EIF2S3: variants seen among roughly 807,000 people sequenced by gnomAD.
EIF2S3 encodes the protein eukaryotic translation initiation factor 2 subunit gamma.
Under a neutral mutation model 31.7 loss-of-function variants are expected in EIF2S3, and 2 were observed. That is an observed-to-expected ratio of 0.06 (90% CI 0.03 to 0.20). The LOEUF (loss-of-function observed/expected upper bound fraction) is 0.20. Among genes scored for constraint, EIF2S3 ranks in the 10% least tolerant of loss-of-function variants. EIF2S3 has a pLI of 1.00. For synonymous variants in EIF2S3, 120 were observed against 126.7 expected (o/e 0.95, Z 0.36); for missense variants, 96 against 359.3 (o/e 0.27, Z 5.92).
intron 8 of EIF2S3, 62 bp from the exon 9 acceptor site, chrX:24,067,902 T>G (rs1198491324): frequency 1.7e-5 from 19 of 1,108,452 alleles, no homozygotes; most frequent in Non-Finnish European, 2.3e-5. Context: ...TTGGAACTTT[T>G]GATAGGTAAA....
In EIF2S3 at chrX:24,057,737, G is replaced by A. The variant is rs749439547; in HGVS notation, c.366G>A (p.Gly122=). 9.9e-6 allele frequency: 12 copies of A among 1,207,009 alleles called. No homozygotes were observed. In the African/African-American group the frequency reaches 1.9e-4, roughly 19 times the overall value. ...EFPTDIPGTK[G]NFKLVRHVSF... ...CTACGGACATTCCAGGGACCAAAGG[G>A]AACTTCAAATTAGTCAGGTGACCTC... The change falls in exon 4 of 12, where the codon GGG becomes GGA. Residue 122 remains glycine, a synonymous_variant. Coordinates refer to ENST00000253039, the MANE Select transcript of EIF2S3 (RefSeq NM_001415.4).
At chrX:24,075,162 A>G (rs1602049569) in intron 11 of EIF2S3, among the ~76,000 whole-genome samples, 1 of 107,901 alleles carries the variant, frequency 9.3e-6, no homozygotes, top group African/African-American at 3.4e-5. Context: ...ACCACGCCTG[A>G]CCTCTTTCTT....
chrX:24,068,925 C>G (rs993253864), intron 9 of EIF2S3, among the ~76,000 whole-genome samples: 3 of 110,863 alleles, frequency 2.7e-5, no homozygotes, highest in Non-Finnish European at 3.8e-5. Context: ...TACTCAATAC[C>G]CAGAAAAATG....
chrX:24,055,188 C>A, intron 1 of EIF2S3, 151 bp downstream of exon 1: 1 of 609,534 alleles, frequency 1.6e-6, no homozygotes, highest in South Asian at 2.9e-5. Context: ...AAGCCATGCT[C>A]GCGCCGCCTG....
At chrX:24,066,562 G>A (rs1221437129) in intron 8 of EIF2S3, among the ~76,000 whole-genome samples, 4 of 96,430 alleles carry the variant, frequency 4.1e-5, no homozygotes, top group Admixed American at 1.3e-4. Flanking sequence ...TTGCTGTTTC[G>A]CCCAAGCTGG....
intron 9 of EIF2S3, among the ~76,000 whole-genome samples, chrX:24,068,815 G>A (rs756072725): frequency 9.0e-6 from 1 of 111,387 alleles, no homozygotes; most frequent in Non-Finnish European, 1.9e-5. Flanking sequence ...ATATCAGGTC[G>A]TATTTCCAAT....
intron 6 of EIF2S3, among the ~76,000 whole-genome samples, chrX:24,062,798 TA>T (rs1241331032): frequency 9.0e-6 from 1 of 111,273 alleles, no homozygotes; most frequent in Non-Finnish European, 1.9e-5. Flanking sequence ...GGCAGCAAGT[TA>T]GAACTGAGGT....
chrX:24,072,479 T>TGCC (rs1930687368), intron 10 of EIF2S3, among the ~76,000 whole-genome samples: 2 of 110,317 alleles, frequency 1.8e-5, no homozygotes, highest in South Asian at 7.7e-4. Context: ...GACGGAGTTT[T>TGCC]GCCGCATTAC....
At chrX:24,065,605 GAA>G (rs1262311555) in intron 7 of EIF2S3, among the ~76,000 whole-genome samples, 1 of 109,670 alleles carries the variant, frequency 9.1e-6, no homozygotes, top group East Asian at 2.8e-4. Context: ...ATGATAGAGG[GAA>G]AAAAAAATCC....
Position 24,055,049 on chromosome X carries a change from C to G in EIF2S3, c.69+12C>G, listed in dbSNP as rs772346610. 7.5e-6 allele frequency: 9 copies of G among 1,207,872 alleles called. No individual in the cohort carries two copies. The highest frequency in any genetic ancestry group is 1.0e-5 in the Non-Finnish European group (9 of 894,243). ...ATCTCACCACCTTGGTGAGGTTTTG[C>G]TTGGGGAGGATGCAGAGTGAGCTCA... On this transcript the variant is annotated intron_variant, in intron 1 of 11. Coordinates refer to ENST00000253039, the MANE Select transcript of EIF2S3 (RefSeq NM_001415.4).
chrX:24,058,534 T>TG (rs2147125440), intron 4 of EIF2S3, among the ~76,000 whole-genome samples: 1 of 75,908 alleles, frequency 1.3e-5, no homozygotes, highest in Admixed American at 1.9e-4. Flanking sequence ...TTTTTTTTCT[T>TG]TCTTTTTTTT....
At chrX:24,069,594 T>C (rs1930631837) in intron 9 of EIF2S3, among the ~76,000 whole-genome samples, 2 of 108,043 alleles carry the variant, frequency 1.9e-5, no homozygotes, top group African/African-American at 6.7e-5. Context: ...TGTAGTTCCA[T>C]CTATCATTTT....
rs879230822 is a variant in EIF2S3, at chrX:24,076,926, C to CTTTTTTTTTTTTT, written c.*150_*162dup. 33 of 179,970 alleles carry CTTTTTTTTTTTTT rather than the reference C, an allele frequency of 1.8e-4. 1 individual carries two copies. Among genetic ancestry groups the CTTTTTTTTTTTTT allele is most frequent in the African/African-American group, 1.8e-3 (33 of 18,603 alleles). 14.8% of individuals were successfully genotyped at this position (179,970 alleles called of 1,213,427 possible). A position where few individuals can be genotyped will look rare whatever the true frequency, so the allele number is the denominator to read the frequency against. The stretch of plus-strand genomic sequence containing the variant: ...TAGTAGGTAACGGTAAGGTTATTCT[C>CTTTTTTTTTTTTT]TTTTTTTTTTTTTTTTTTTTTGGTT... On this transcript the variant is annotated 3_prime_UTR_variant, in exon 12 of 12. Coordinates refer to ENST00000253039, the MANE Select transcript of EIF2S3 (RefSeq NM_001415.4).
Position 24,073,073 on chromosome X carries a change from C to G in EIF2S3, c.1183-18C>G. On this transcript the variant is annotated intron_variant, in intron 10 of 11. Transcript: ENST00000253039. ...TTCTTGATTTTGGGGTTTATTTTTC[C>G]CTAATTTATTTTTCTAGGTTCAAAA... 8.5e-7 allele frequency: 1 copy of G among 1,177,264 alleles called. No individual in the cohort carries two copies. The highest frequency in any genetic ancestry group is 1.1e-6 in the Non-Finnish European group (1 of 878,324).
Position 24,077,648 on chromosome X carries a change from A to C in EIF2S3, c.*863A>C, listed in dbSNP as rs1411892847. The stretch of plus-strand genomic sequence containing the variant: ...TTCGAATGAAATTGTCCTTTAGAGC[A>C]TGATTACTTGTTCCCATGGACAAAT... On this transcript the variant is annotated 3_prime_UTR_variant, in exon 12 of 12. Coordinates refer to ENST00000253039, the MANE Select transcript of EIF2S3 (RefSeq NM_001415.4). 9.0e-6 allele frequency: 1 copy of C among 111,503 alleles called. No individual in the cohort carries two copies. The allele number at this position is 111,503 out of a possible 1,213,427, so 9.2% of individuals were successfully genotyped here. A position where few individuals can be genotyped will look rare whatever the true frequency, so the allele number is the denominator to read the frequency against.
rs556362722 is a variant in EIF2S3 at position 24,057,713 on chromosome X, T to C, written c.342T>C (p.Pro114=). ...SCGSSTPDEF[P]TDIPGTKGNF... ...GGAGCAGTACACCTGACGAGTTTCCTACGGACATTCCAGGGACCAAAGGGA... is the reference window on the plus strand; with the variant it reads ...GGAGCAGTACACCTGACGAGTTTCCCACGGACATTCCAGGGACCAAAGGGA... Residue 114 remains proline, a synonymous_variant, in exon 4 of 12, where the codon CCT becomes CCC. Coordinates refer to ENST00000253039, the MANE Select transcript of EIF2S3 (RefSeq NM_001415.4). 4.9e-5 allele frequency: 59 copies of C among 1,210,093 alleles called. 1 individual carries two copies. The South Asian group carries it at 1.0e-3, about 21-fold the overall frequency.
Position 24,058,975 on chromosome X carries a change from T to C in EIF2S3, c.384-1113T>C, listed in dbSNP as rs956432651. Among the ~76,000 whole-genome samples the C allele has an allele frequency of 3.6e-5, 4 of 111,942 alleles. No individual in the cohort carries two copies. In the Admixed American group the frequency reaches 3.8e-4, roughly 11 times the overall value. Reference sequence around the variant, plus strand: ...CCTGGCCTCAAGTGATCTGCCCGCCTCAGCCTCCCAAAGTGCTGGGATTAC... The same window carrying C: ...CCTGGCCTCAAGTGATCTGCCCGCCCCAGCCTCCCAAAGTGCTGGGATTAC... On this transcript the variant is annotated intron_variant, in intron 4 of 11. Coordinates refer to ENST00000253039, the MANE Select transcript of EIF2S3 (RefSeq NM_001415.4).
At chrX:24,063,807 T>C (rs939726304) in intron 6 of EIF2S3, among the ~76,000 whole-genome samples, 2 of 111,850 alleles carry the variant, frequency 1.8e-5, no homozygotes, top group African/African-American at 6.5e-5. Context: ...CAGCAGTCTT[T>C]GATTAGCAGA....
At chrX:24,069,815 C>G (rs907555943) in intron 9 of EIF2S3, among the ~76,000 whole-genome samples, 2 of 105,654 alleles carry the variant, frequency 1.9e-5, no homozygotes, top group South Asian at 8.5e-4. Flanking sequence ...CTCAGCCTCC[C>G]GAGTAGCTGG....
Sources: gnomAD v4.1 joint callset for allele counts (sites outside exome capture counted in the v4.1 genomes callset) on GRCh38, gnomAD v4.1.1 for gene constraint, MANE v1.5 for transcripts, NCBI Gene and HGNC (gene_info 2026-07-23, HGNC 2026-07-21) for gene names.